Variants in PLXNC1 observed in about 807,000 individuals in gnomAD.
PLXNC1 encodes the protein plexin C1.
Under a neutral mutation model 178.2 loss-of-function variants are expected in PLXNC1, and 75 were observed. The observed-to-expected ratio is 0.42, with a 90% CI of 0.35 to 0.51. The LOEUF is 0.51. PLXNC1 is among the 20% of genes least tolerant of loss of function. PLXNC1 has a pLI of 0.02. For missense variants in PLXNC1, 1,503 were observed against 1,984.4 expected, an observed-to-expected ratio of 0.76 and a Z score of 4.61; for synonymous variants, 790 against 779.9, an observed-to-expected ratio of 1.01 and a Z score of -0.22.
chr12:94,209,820 A>C, intron 5 of PLXNC1, 116 bp downstream of exon 5: 2 of 656,950 alleles, frequency 3.0e-6, no homozygotes, highest in Non-Finnish European at 2.7e-6. Flanking sequence ...TAGTGATAGC[A>C]CTCCATTCAT....
intron 5 of PLXNC1, among the ~76,000 whole-genome samples, chr12:94,214,807 A>G (rs1963595942): frequency 6.6e-6 from 1 of 152,260 alleles, no homozygotes; most frequent in South Asian, 2.1e-4. Context: ...TGTTGGAGTC[A>G]GCTACCAAAA....
At chr12:94,150,288 ACT>A (rs1960909576) in intron 1 of PLXNC1, among the ~76,000 whole-genome samples, 1 of 151,696 alleles carries the variant, frequency 6.6e-6, no homozygotes, top group African/African-American at 2.4e-5. Flanking sequence ...TAGACTCAAA[ACT>A]CTAGTGGCTG....
rs1968044547 is a variant in PLXNC1, at chr12:94,297,414, G to A, written c.4065G>A (p.Leu1355=). The change falls in exon 26 of 31, where the codon CTG becomes CTA. Residue 1355 remains leucine (L), a synonymous_variant. Transcript: ENST00000258526. ...KVKEMYLTKL[L]STKVAIHSVL... ...AAGAAATGTATCTGACAAAGCTGCT[G>A]TCGACCAAGGTACACTTACTGTTCT... 1.2e-6 allele frequency: 2 copies of A among 1,610,576 alleles called. No individual in the cohort carries two copies. The highest frequency in any genetic ancestry group is 1.7e-6 in the Non-Finnish European group (2 of 1,177,234).
At chr12:94,237,066 G>T (rs1483365521) in intron 9 of PLXNC1, among the ~76,000 whole-genome samples, 1 of 152,192 alleles carries the variant, frequency 6.6e-6, no homozygotes, top group African/African-American at 2.4e-5. Context: ...CAAGAAGGAG[G>T]TTGTGGTATC....
rs1969072585 is a variant in PLXNC1, at chr12:94,306,814, C to G, written c.*1529C>G. ...CAACAAACTGATCAGAGAAAATAAG[C>G]AGTTACTACCCTGATAGGCACCTTC... On this transcript the variant is annotated 3_prime_UTR_variant, in exon 31 of 31. Transcript: ENST00000258526. The G allele has an allele frequency of 6.6e-6, 1 of 152,142 alleles. No homozygotes were observed. Among genetic ancestry groups the G allele is most frequent in the Admixed American group, 6.6e-5 (1 of 15,262 alleles). The allele number at this position is 152,142 out of a possible 1,614,324, so 9.4% of individuals were successfully genotyped here.
chr12:94,159,428 A>G (rs1961294319), intron 1 of PLXNC1, among the ~76,000 whole-genome samples: 3 of 152,314 alleles, frequency 2.0e-5, no homozygotes, highest in Non-Finnish European at 2.9e-5. Flanking sequence ...GACACCAGGA[A>G]GATAAGAAAG....
At chr12:94,185,509 G>A (rs543768580) in intron 3 of PLXNC1, among the ~76,000 whole-genome samples, 2 of 152,306 alleles carry the variant, frequency 1.3e-5, no homozygotes, top group East Asian at 3.9e-4. Flanking sequence ...CGCCCTACTT[G>A]CAGGCTCTGA....
chr12:94,204,470 A>G (rs935563339), intron 4 of PLXNC1, among the ~76,000 whole-genome samples: 2 of 152,248 alleles, frequency 1.3e-5, no homozygotes, highest in African/African-American at 2.4e-5. Flanking sequence ...TGTTATTAGC[A>G]TAATTTTATC....
rs748496700 is a variant in PLXNC1 at position 94,169,125 on chromosome 12, T to C, written c.1063-28T>C. ...TATTGTTGTTAAAAATTATTATTAT[T>C]TTTTTGTGCGTTTGTGTGCATGTTC... is the stretch of plus-strand genomic sequence containing the variant. On this transcript the variant is annotated intron_variant, in intron 1 of 30. Coordinates refer to ENST00000258526, the MANE Select transcript of PLXNC1 (RefSeq NM_005761.3). 3.8e-6 allele frequency: 6 copies of C among 1,592,458 alleles called. No homozygotes were observed. The African/African-American group carries it at 5.4e-5, about 14-fold the overall frequency.
chr12:94,183,267 T>C (rs1212405637), intron 3 of PLXNC1, among the ~76,000 whole-genome samples: 1 of 152,226 alleles, frequency 6.6e-6, no homozygotes, highest in Admixed American at 6.5e-5. Context: ...GACGATACTG[T>C]TCTTTGCACA....
Position 94,192,651 on chromosome 12 carries a change from C to T in PLXNC1, c.1439+6178C>T, listed in dbSNP as rs545660940. ...TTCTGTACATGCTCTTCTTAAGGCA[C>T]ATAGAAGTAGCATGAGAGACCAAGC... On this transcript the variant is annotated intron_variant, in intron 4 of 30. Coordinates refer to ENST00000258526, the MANE Select transcript of PLXNC1 (RefSeq NM_005761.3). 9.2e-5 allele frequency among the ~76,000 whole-genome samples: 14 copies of T among 152,130 alleles called. No individual in the cohort carries two copies. In the East Asian group the frequency reaches 1.2e-3, roughly 13 times the overall value.
chr12:94,191,535 G>A (rs1962724378), intron 4 of PLXNC1, among the ~76,000 whole-genome samples: 2 of 152,168 alleles, frequency 1.3e-5, no homozygotes, highest in African/African-American at 4.8e-5. Flanking sequence ...TGTAATCCCA[G>A]CACTTTGGGA....
Position 94,149,312 on chromosome 12 carries a change from A to AG in PLXNC1, c.346dup (p.Ala116GlyfsTer72). The stretch of plus-strand genomic sequence containing the variant: ...AGCAAGCTGCTGCTGCCCTACCGCG[A>AG]GGGGGCGGCCGGCCTCGGGGGGCTG... On this transcript the variant is annotated frameshift_variant, in exon 1 of 31. Transcript: ENST00000258526. LOFTEE classifies it high-confidence loss of function. 6.8e-7 allele frequency: 1 copy of AG among 1,460,346 alleles called. No individual in the cohort carries two copies. Among genetic ancestry groups the AG allele is most frequent in the Admixed American group, 2.7e-5 (1 of 37,046 alleles). 90.5% of individuals were successfully genotyped at this position (1,460,346 alleles called of 1,614,324 possible).
At chr12:94,226,093 T>C (rs893518523) in intron 7 of PLXNC1, among the ~76,000 whole-genome samples, 11 of 152,220 alleles carry the variant, frequency 7.2e-5, no homozygotes, top group African/African-American at 2.4e-4. Context: ...ATAGGTGATT[T>C]GATTAGTAGA....
chr12:94,258,716 T>G (rs1334293398), intron 17 of PLXNC1, among the ~76,000 whole-genome samples: 10 of 152,208 alleles, frequency 6.6e-5, no homozygotes, highest in African/African-American at 1.9e-4. Flanking sequence ...CCCATTTTAT[T>G]TTCACACTAA....
At chr12:94,155,445 A>G (rs1961131331) in intron 1 of PLXNC1, among the ~76,000 whole-genome samples, 1 of 152,246 alleles carries the variant, frequency 6.6e-6, no homozygotes, top group Non-Finnish European at 1.5e-5. Flanking sequence ...TTTAAGAACC[A>G]CTATTGTAAG....
intron 1 of PLXNC1, among the ~76,000 whole-genome samples, chr12:94,151,653 T>C (rs1333946928): frequency 6.6e-6 from 1 of 152,194 alleles, no homozygotes; most frequent in Non-Finnish European, 1.5e-5. Flanking sequence ...ACACACTTAG[T>C]CTCTGGGGTT....
intron 21 of PLXNC1, chr12:94,272,041 C>CTGA (rs1352737388): frequency 6.6e-6 from 1 of 152,192 alleles, no homozygotes; most frequent in African/African-American, 2.4e-5. Flanking sequence ...CTGTGAGAGG[C>CTGA]TGATGGCTGA....
intron 21 of PLXNC1, among the ~76,000 whole-genome samples, chr12:94,266,269 T>C (rs1177609249): frequency 6.6e-6 from 1 of 152,218 alleles, no homozygotes; most frequent in Non-Finnish European, 1.5e-5. Context: ...TCAAGTTTTC[T>C]GCCACTGCCA....
Sources: gnomAD v4.1 joint callset for allele counts (sites outside exome capture counted in the v4.1 genomes callset) on GRCh38, gnomAD v4.1.1 for gene constraint, MANE v1.5 for transcripts, NCBI Gene and HGNC (gene_info 2026-07-23, HGNC 2026-07-21) for gene names.